Variants in FAM20B observed in about 807,000 individuals in gnomAD.
FAM20B encodes glycosaminoglycan xylosylkinase.
A neutral mutation model predicts 43.8 loss-of-function variants in FAM20B; 23 were observed. That is an observed-to-expected ratio of 0.53 (90% CI 0.38 to 0.74). FAM20B has a LOEUF of 0.74. Ranked by LOEUF, FAM20B falls within the 30% of genes least tolerant of loss-of-function variation. FAM20B has a pLI of 0.00. For synonymous variants in FAM20B, 178 were observed against 192.4 expected, an observed-to-expected ratio of 0.93 and a Z score of 0.62; for missense variants, 440 against 510.5, an observed-to-expected ratio of 0.86 and a Z score of 1.33.
At chr1:179,019,233 A>G in the FAM20B span, among the ~76,000 whole-genome samples, 3 of 152,202 alleles carry the variant, frequency 2.0e-5, no homozygotes, top group South Asian at 4.1e-4. Flanking sequence ...AACTGTTGCC[A>G]TAATCCAGTG....
chr1:179,028,507 A>T (rs950832082), intron 1 of FAM20B, among the ~76,000 whole-genome samples: 4 of 152,198 alleles, frequency 2.6e-5, no homozygotes, highest in Non-Finnish European at 5.9e-5. Context: ...GCTTGAACCC[A>T]GGAGGCAGAG....
At chr1:179,061,626 C>T (rs1651469703) in intron 4 of FAM20B, among the ~76,000 whole-genome samples, 1 of 152,104 alleles carries the variant, frequency 6.6e-6, no homozygotes, top group Non-Finnish European at 1.5e-5. Context: ...CCAGGCTGGT[C>T]TCGAATTCCT....
intron 5 of FAM20B, 93 bp downstream of exon 5, chr1:179,064,191 A>G: frequency 3.5e-6 from 5 of 1,431,062 alleles, no homozygotes; most frequent in Non-Finnish European, 4.8e-6. Context: ...CCAAGAGTGA[A>G]AAGAACTGTG....
At chr1:179,055,832 T>G (rs1421419508) in intron 4 of FAM20B, among the ~76,000 whole-genome samples, 1 of 152,136 alleles carries the variant, frequency 6.6e-6, no homozygotes, top group Non-Finnish European at 1.5e-5. Context: ...GGAAAGGGCA[T>G]TGGCAAAATA....
chr1:179,068,055 G>A (rs935601532), intron 7 of FAM20B, among the ~76,000 whole-genome samples: 2 of 152,030 alleles, frequency 1.3e-5, no homozygotes, highest in Non-Finnish European at 2.9e-5. Flanking sequence ...GAGCCACCGC[G>A]CCCGACCATC....
chr1:179,045,221 T>G (rs1306696487), intron 2 of FAM20B, among the ~76,000 whole-genome samples: 1 of 152,244 alleles, frequency 6.6e-6, no homozygotes, highest in East Asian at 1.9e-4. Flanking sequence ...AAATGTTTTC[T>G]GAGTGTATGA....
chr1:179,021,959 G>A (rs115740451), upstream of FAM20B, among the ~76,000 whole-genome samples: 1,291 of 152,244 alleles, frequency 8.5e-3, 17 homozygotes, highest in African/African-American at 0.029. Flanking sequence ...TCCACAGCCC[G>A]AATGTCTCAG....
chr1:179,030,820 G>C (rs771822959), intron 1 of FAM20B, among the ~76,000 whole-genome samples: 8 of 151,644 alleles, frequency 5.3e-5, no homozygotes, highest in African/African-American at 1.2e-4. Context: ...AGTACAAAGC[G>C]TGAGTAAAAT....
intron 1 of FAM20B, among the ~76,000 whole-genome samples, chr1:179,034,527 G>GTTTGGCCCTGACTCCACC (rs1465188230): frequency 6.6e-6 from 1 of 152,110 alleles, no homozygotes; most frequent in Non-Finnish European, 1.5e-5. Flanking sequence ...AAACCAGCAT[G>GTTTGGCCCTGACTCCACC]TTTGGCCCTG....
intron 3 of FAM20B, 101 bp from the exon 4 acceptor site, chr1:179,054,428 C>T: frequency 1.4e-6 from 1 of 695,626 alleles, no homozygotes; most frequent in South Asian, 1.8e-5. Flanking sequence ...TAGCTAAAAA[C>T]CCTTTACACA....
intron 3 of FAM20B, among the ~76,000 whole-genome samples, chr1:179,052,855 A>G (rs987291833): frequency 3.3e-5 from 5 of 152,118 alleles, no homozygotes; most frequent in African/African-American, 4.8e-5. Flanking sequence ...CCTTCTTCCT[A>G]TCCTGTTTGT....
At chr1:179,028,937 T>A (rs1344634291) in intron 1 of FAM20B, among the ~76,000 whole-genome samples, 1 of 152,252 alleles carries the variant, frequency 6.6e-6, no homozygotes, top group African/African-American at 2.4e-5. Context: ...CGGATTACTG[T>A]TCAAAATATT....
chr1:179,023,271 A>G (rs991401416), upstream of FAM20B, among the ~76,000 whole-genome samples: 3 of 152,230 alleles, frequency 2.0e-5, no homozygotes, highest in Admixed American at 6.5e-5. Context: ...GTTTTAACTC[A>G]GTGAGCTTCA....
chr1:179,068,038 C>T (rs1651762953), intron 7 of FAM20B, among the ~76,000 whole-genome samples: 1 of 152,178 alleles, frequency 6.6e-6, no homozygotes, highest in Non-Finnish European at 1.5e-5. Context: ...GCTAGGATTA[C>T]AGGCGTGAGC....
At chr1:179,047,018 C>T (rs1650802706) in intron 2 of FAM20B, among the ~76,000 whole-genome samples, 2 of 152,146 alleles carry the variant, frequency 1.3e-5, no homozygotes, top group South Asian at 4.1e-4. Context: ...ATCCTCATCA[C>T]ACCTACCACT....
At chr1:179,026,988 C>T (rs1189992897) in intron 1 of FAM20B, among the ~76,000 whole-genome samples, 1 of 152,152 alleles carries the variant, frequency 6.6e-6, no homozygotes, top group African/African-American at 2.4e-5. Flanking sequence ...AAGACCATAC[C>T]ATCATTGGGA....
chr1:179,055,506 G>A lies in FAM20B; in HGVS notation c.574+868G>A, dbSNP rs1412363158. On this transcript the variant is annotated intron_variant, in intron 4 of 7. Transcript: ENST00000263733. ...CAGAATTTCAACTTATAAGGCTTGG[G>A]CTATACTTTTCTTATAGATAACCAA... Among the ~76,000 whole-genome samples the A allele has an allele frequency of 2.0e-5, 3 of 152,236 alleles. No homozygotes were observed. In the East Asian group the frequency reaches 5.8e-4, roughly 29 times the overall value.
At chr1:179,060,086 A>G (rs974363787) in intron 4 of FAM20B, among the ~76,000 whole-genome samples, 1 of 130,962 alleles carries the variant, frequency 7.6e-6, no homozygotes, top group South Asian at 2.5e-4. Flanking sequence ...GTCTTTTTGT[A>G]TGAAATATAT....
intron 4 of FAM20B, among the ~76,000 whole-genome samples, chr1:179,056,707 G>T (rs1651233729): frequency 6.6e-6 from 1 of 152,200 alleles, no homozygotes; most frequent in South Asian, 2.1e-4. Flanking sequence ...GTAAGAAACT[G>T]CCAAATTGTC....
Sources: gnomAD v4.1 joint callset for allele counts (sites outside exome capture counted in the v4.1 genomes callset) on GRCh38, gnomAD v4.1.1 for gene constraint, MANE v1.5 for transcripts, NCBI Gene and HGNC (gene_info 2026-07-23, HGNC 2026-07-21) for gene names.